Variants in FBXL17 observed in about 807,000 individuals in gnomAD.
The protein encoded by FBXL17 is F-box/LRR-repeat protein 17.
FBXL17 carries 22 observed loss-of-function variants against 66.2 expected under a neutral mutation model. That is an observed-to-expected ratio of 0.33 (90% CI 0.24 to 0.47). The LOEUF is 0.47. Among genes scored for constraint, FBXL17 ranks in the 20% least tolerant of loss-of-function variants. The probability of loss-of-function intolerance (pLI) is 1.00; values close to 1 mark genes in which losing one functional copy is unlikely to be tolerated. For synonymous variants in FBXL17, 474 were observed against 400.5 expected, an observed-to-expected ratio of 1.18 and a Z score of -2.19; for missense variants, 878 against 948.2, an observed-to-expected ratio of 0.93 and a Z score of 0.97.
At chr5:107,934,236 T>C (rs780244465) in intron 7 of FBXL17, among the ~76,000 whole-genome samples, 18 of 152,178 alleles carry the variant, frequency 1.2e-4, no homozygotes, top group Non-Finnish European at 2.2e-4. Context: ...CAAAATTCTA[T>C]CTCAAAAATG....
In FBXL17 at chr5:107,860,082, T is replaced by A. The variant is rs1053166075; in HGVS notation, c.*1638A>T. ...TAACCGATTGGGATTAAAACAAAAA[T>A]GCCACATCAGAAACATGTTGACATA... On this transcript the variant is annotated 3_prime_UTR_variant, in exon 9 of 9. Coordinates refer to ENST00000542267, the MANE Select transcript of FBXL17 (RefSeq NM_001163315.3). 2.0e-5 allele frequency: 3 copies of A among 152,120 alleles called. No homozygotes were observed. Among genetic ancestry groups the A allele is most frequent in the Non-Finnish European group, 4.4e-5 (3 of 67,988 alleles). The allele number at this position is 152,120 out of a possible 1,614,324, so 9.4% of individuals were successfully genotyped here. A position where few individuals can be genotyped will look rare whatever the true frequency, so the allele number is the denominator to read the frequency against.
chr5:107,931,051 G>C (rs1446466671), intron 7 of FBXL17, among the ~76,000 whole-genome samples: 1 of 152,022 alleles, frequency 6.6e-6, no homozygotes, highest in Admixed American at 6.6e-5. Flanking sequence ...ATCACTTTTG[G>C]TTGTGCTGAG....
At chr5:108,014,968 G>C (rs1031799009) in intron 7 of FBXL17, among the ~76,000 whole-genome samples, 4 of 152,126 alleles carry the variant, frequency 2.6e-5, no homozygotes, top group African/African-American at 9.7e-5. Context: ...CGCCACAACA[G>C]TATAGGGGAA....
intron 7 of FBXL17, among the ~76,000 whole-genome samples, chr5:107,941,153 T>C (rs1005660914): frequency 2.0e-5 from 3 of 151,884 alleles, no homozygotes; most frequent in Admixed American, 2.0e-4. Flanking sequence ...TTTCTGCGAT[T>C]ACATTTCAGA....
At position 107,887,063 on chromosome 5, in the gene FBXL17, C is replaced by T. The variant is rs74910868; in HGVS notation, c.1823-5884G>A. 2.9e-3 allele frequency among the ~76,000 whole-genome samples: 435 copies of T among 152,214 alleles called. 3 individuals carry two copies. Among genetic ancestry groups the T allele is most frequent in the African/African-American group, 0.01 (418 of 41,520 alleles). The stretch of plus-strand genomic sequence containing the variant: ...AAATTTAAATAAGACCTGTAGTTCA[C>T]TTAATTTAATTGTTTCAGTGTTAAT... On this transcript the variant is annotated intron_variant, in intron 7 of 8. Coordinates refer to ENST00000542267, the MANE Select transcript of FBXL17 (RefSeq NM_001163315.3).
intron 6 of FBXL17, among the ~76,000 whole-genome samples, chr5:108,045,569 T>C (rs1335509188): frequency 4.6e-5 from 7 of 152,214 alleles, no homozygotes; most frequent in African/African-American, 1.4e-4. Flanking sequence ...TTTCCCTCTT[T>C]TCTAATATCT....
chr5:107,887,604 C>T (rs186807905), intron 7 of FBXL17, among the ~76,000 whole-genome samples: 49 of 152,254 alleles, frequency 3.2e-4, no homozygotes, highest in African/African-American at 1.2e-3. Flanking sequence ...AAATATGAAA[C>T]GTGCTCTTCT....
intron 4 of FBXL17, among the ~76,000 whole-genome samples, chr5:108,287,490 T>C (rs1248686817): frequency 1.3e-5 from 2 of 151,894 alleles, no homozygotes; most frequent in East Asian, 1.9e-4. Context: ...AGAAGAAATA[T>C]ACATGGTCAA....
chr5:108,289,564 G>A (rs111343491), intron 4 of FBXL17, among the ~76,000 whole-genome samples: 21 of 152,228 alleles, frequency 1.4e-4, no homozygotes, highest in African/African-American at 4.6e-4. Context: ...AAGGTATGGG[G>A]ACTATAAAGA....
At position 108,093,945 on chromosome 5, in the gene FBXL17, C is replaced by CTA. The variant is rs150082216; in HGVS notation, c.1746-72946_1746-72945dup. On this transcript the variant is annotated intron_variant, in intron 6 of 8. Coordinates refer to ENST00000542267, the MANE Select transcript of FBXL17 (RefSeq NM_001163315.3). ...TGGAGCTTGAACACATCTGCATGTA[C>CTA]TATTATAAGCCTTAATTTTAGACGT... 2.4e-3 allele frequency among the ~76,000 whole-genome samples: 368 copies of CTA among 152,238 alleles called. 8 individuals carry two copies. In the East Asian group the frequency reaches 0.059, roughly 25 times the overall value.
chr5:108,023,718 T>C (rs1302661736), intron 6 of FBXL17, among the ~76,000 whole-genome samples: 5 of 152,170 alleles, frequency 3.3e-5, no homozygotes, highest in Admixed American at 2.6e-4. Context: ...TCATAACCTT[T>C]GGTGTATTAA....
intron 6 of FBXL17, among the ~76,000 whole-genome samples, chr5:108,092,898 T>A (rs1749237840): frequency 6.6e-6 from 1 of 152,104 alleles, no homozygotes; most frequent in Non-Finnish European, 1.5e-5. Flanking sequence ...ATGGAGAGAG[T>A]GACTATGGTA....
At chr5:108,315,849 A>G (rs1009034112) in intron 4 of FBXL17, among the ~76,000 whole-genome samples, 14 of 151,600 alleles carry the variant, frequency 9.2e-5, no homozygotes, top group African/African-American at 2.7e-4. Context: ...TCATAAGTCT[A>G]TAAAATACTT....
intron 6 of FBXL17, among the ~76,000 whole-genome samples, chr5:108,101,265 C>A (rs1442119933): frequency 6.6e-6 from 1 of 152,232 alleles, no homozygotes; most frequent in African/African-American, 2.4e-5. Context: ...ACATAGACCT[C>A]TGTCCACAAG....
intron 7 of FBXL17, among the ~76,000 whole-genome samples, chr5:108,000,984 C>T (rs1410691271): frequency 6.6e-6 from 1 of 152,174 alleles, no homozygotes; most frequent in African/African-American, 2.4e-5. Flanking sequence ...CACACCTGTG[C>T]TCCCTTTAAT....
chr5:107,880,984 C>G, intron 8 of FBXL17, 53 bp downstream of exon 8: 1 of 1,613,658 alleles, frequency 6.2e-7, no homozygotes, highest in Non-Finnish European at 8.5e-7. Flanking sequence ...TGACATCAAG[C>G]TATTAACTAT....
intron 5 of FBXL17, among the ~76,000 whole-genome samples, chr5:108,189,301 T>TGGGAG: frequency 1.1e-5 from 1 of 94,146 alleles, no homozygotes; most frequent in Non-Finnish European, 1.9e-5. Flanking sequence ...TGGGATGGGA[T>TGGGAG]GGGATGGGAT....
intron 4 of FBXL17, among the ~76,000 whole-genome samples, chr5:108,320,615 C>A (rs1233959685): frequency 6.6e-6 from 1 of 151,688 alleles, no homozygotes; most frequent in Non-Finnish European, 1.5e-5. Flanking sequence ...TTTATTTAAA[C>A]ATTTAAATCT....
At chr5:107,949,183 T>TTA (rs1554051301) in intron 7 of FBXL17, among the ~76,000 whole-genome samples, 5 of 142,110 alleles carry the variant, frequency 3.5e-5, no homozygotes, top group Non-Finnish European at 6.1e-5. Flanking sequence ...ATGCACTTCA[T>TTA]AAAAAAAAAA....
Sources: gnomAD v4.1 joint callset for allele counts (sites outside exome capture counted in the v4.1 genomes callset) on GRCh38, gnomAD v4.1.1 for gene constraint, MANE v1.5 for transcripts, NCBI Gene and HGNC (gene_info 2026-07-23, HGNC 2026-07-21) for gene names.